Variants in MYO7A observed in about 807,000 individuals in gnomAD.
The protein encoded by MYO7A is myosin VIIA, also known as unconventional myosin-VIIa.
Under a neutral mutation model 263.8 loss-of-function variants are expected in MYO7A, and 210 were observed. The observed-to-expected ratio is 0.80, with a 90% CI of 0.71 to 0.89. The LOEUF (loss-of-function observed/expected upper bound fraction) is 0.89. Among genes scored for constraint, MYO7A ranks in the 40% least tolerant of loss-of-function variants. The pLI is 0.00. For synonymous variants in MYO7A, 1,239 were observed against 1,197.3 expected (o/e 1.03, Z -0.72); for missense variants, 2,820 against 2,968.3 (o/e 0.95, Z 1.16).
In MYO7A at chr11:77,190,868, A is replaced by G. The variant is rs763777646; in HGVS notation, c.3922A>G (p.Lys1308Glu). 3.2e-6 allele frequency: 5 copies of G among 1,562,328 alleles called. No individual in the cohort carries two copies. The highest frequency in any genetic ancestry group is 4.3e-6 in the Non-Finnish European group (5 of 1,149,974). Residue 1308 changes from lysine to glutamate, a missense_variant and splice_region_variant, in exon 30 of 49, where the codon AAG (lysine) becomes GAG (glutamate). Transcript: ENST00000409709. ...GFSLYIALFD[K>E]VSSLGSGSDH... ...CTCCCTCTACATTGCCCTGTTTGAC[A>G]AGGTATGGCCGCCCGGAAGCACCTC... is the stretch of plus-strand genomic sequence containing the variant.
intron 41 of MYO7A, 22 bp downstream of exon 41, chr11:77,206,224 G>C: frequency 6.3e-7 from 1 of 1,582,254 alleles, no homozygotes; most frequent in East Asian, 2.3e-5. Context: ...CGGCTTCTAG[G>C]TCTGCAGTGC....
In MYO7A at chr11:77,162,131, T is replaced by A; in HGVS notation, c.1355T>A (p.Leu452His). The A allele has an allele frequency of 1.2e-6, 2 of 1,600,424 alleles. No individual in the cohort carries two copies. Among genetic ancestry groups the A allele is most frequent in the Non-Finnish European group, 1.7e-6 (2 of 1,173,596 alleles). Residue 452 changes from leucine to histidine, a missense_variant, in exon 13 of 49, where the codon CTC (leucine) becomes CAC (histidine). Coordinates refer to ENST00000409709, the MANE Select transcript of MYO7A (RefSeq NM_000260.4). The stretch of plus-strand genomic sequence containing the variant: ...CTGTGCCCCTGCAGCTTTGAGCAGC[T>A]CTGCATCAACTTCGCCAATGAGCAC... ...ENFAVNSFEQ[L>H]CINFANEHLQ...
chr11:77,208,387 A>C (rs1337393043), intron 42 of MYO7A, 43 bp from the exon 43 acceptor site: 15 of 1,461,438 alleles, frequency 1.0e-5, no homozygotes, highest in Admixed American at 1.8e-5. Context: ...CAGAAAATGC[A>C]GTGTTGCTTA....
In MYO7A at chr11:77,156,885, C is replaced by G; in HGVS notation, c.616C>G (p.Arg206Gly). Residue 206 changes from arginine (R) to glycine (G), a missense_variant, in exon 7 of 49, where the codon CGC becomes GGC. Transcript: ENST00000409709. ...LEAFGNAKTI[R>G]NDNSSRFGKY... ...AGCATTTGGGAATGCCAAGACCATC[C>G]GCAATGACAACTCAAGCCGTTTCGG... 6.2e-7 allele frequency: 1 copy of G among 1,613,992 alleles called. No homozygotes were observed.
Position 77,206,083 on chromosome 11 carries a change from T to G in MYO7A, c.5637-14T>G, listed in dbSNP as rs1262145929. On this transcript the variant is annotated splice_polypyrimidine_tract_variant and intron_variant, in intron 40 of 48. Coordinates refer to ENST00000409709, the MANE Select transcript of MYO7A (RefSeq NM_000260.4). ...CCACGCACATGCCCCCTGCTGCCCC[T>G]GCTGCCTTTTCAGAAACGGGTCCCG... 6.2e-7 allele frequency: 1 copy of G among 1,601,028 alleles called. No homozygotes were observed. Among genetic ancestry groups the G allele is most frequent in the South Asian group, 1.1e-5 (1 of 89,030 alleles).
intron 26 of MYO7A, 50 bp from the exon 27 acceptor site, chr11:77,184,538 C>G (rs1955516440): frequency 6.7e-7 from 1 of 1,500,222 alleles, no homozygotes. Context: ...CCCTGGCTGG[C>G]AGGGGAACAC....
At chr11:77,201,382 C>A in intron 35 of MYO7A, 66 bp from the exon 36 acceptor site, 1 of 1,494,822 alleles carries the variant, frequency 6.7e-7, no homozygotes, top group Non-Finnish European at 9.1e-7. Context: ...CTCAGTTCTT[C>A]TGTGGGAAGA....
Position 77,214,531 on chromosome 11 carries a change from TG to T in MYO7A, c.6559-73del, listed in dbSNP as rs1958040243. 4 of 1,115,808 alleles carry T rather than the reference TG, an allele frequency of 3.6e-6. No homozygotes were observed. In the East Asian group the frequency reaches 7.7e-5, roughly 22 times the overall value. 69.1% of individuals were successfully genotyped at this position (1,115,808 alleles called of 1,614,324 possible). ...CTGGGTTCTGCCCATTGCAGATTCC[TG>T]GGAGCTGTGCTATGGTCTGAGTGGC... On this transcript the variant is annotated intron_variant, in intron 48 of 48. Coordinates refer to ENST00000409709, the MANE Select transcript of MYO7A (RefSeq NM_000260.4).
At chr11:77,145,967 C>T (rs994903586) in intron 3 of MYO7A, among the ~76,000 whole-genome samples, 6 of 152,204 alleles carry the variant, frequency 3.9e-5, no homozygotes, top group Non-Finnish European at 7.4e-5. Flanking sequence ...ACCAGCCAGC[C>T]ATCTGTCCCA....
intron 2 of MYO7A, 83 bp from the exon 3 acceptor site, chr11:77,142,626 T>C: frequency 8.6e-7 from 1 of 1,161,014 alleles, no homozygotes; most frequent in Non-Finnish European, 1.3e-6. Flanking sequence ...CCTCTGATTG[T>C]AGCAGAGGGA....
chr11:77,158,205 G>A (rs2135255233), intron 8 of MYO7A, 72 bp from the exon 9 acceptor site: 1 of 1,447,106 alleles, frequency 6.9e-7, no homozygotes, highest in East Asian at 2.6e-5. Context: ...TTTTGGGCAG[G>A]CAGCCAGGCA....
At chr11:77,211,047 C>T (rs558495192) in intron 44 of MYO7A, 105 bp from the exon 45 acceptor site, 263 of 1,072,664 alleles carry the variant, frequency 2.5e-4, no homozygotes, top group Non-Finnish European at 3.2e-4. Flanking sequence ...GGCCCATGTG[C>T]GGGGTAAGGT....
At chr11:77,150,940 G>A (rs550568802) in intron 4 of MYO7A, among the ~76,000 whole-genome samples, 39 of 152,294 alleles carry the variant, frequency 2.6e-4, no homozygotes, top group African/African-American at 7.9e-4. Context: ...GCAACCCCCC[G>A]TCCCTTCATG....
At chr11:77,193,326 T>C (rs1443636314) in intron 31 of MYO7A, among the ~76,000 whole-genome samples, 2 of 146,000 alleles carry the variant, frequency 1.4e-5, no homozygotes, top group Non-Finnish European at 3.0e-5. Context: ...GTAGTGATGA[T>C]AGTGGTGATG....
At position 77,172,751 on chromosome 11, in the gene MYO7A, G is replaced by T; in HGVS notation, c.1801G>T (p.Ala601Ser). 1.3e-6 allele frequency: 2 copies of T among 1,556,244 alleles called. No homozygotes were observed. Among genetic ancestry groups the T allele is most frequent in the South Asian group, 2.4e-5 (2 of 84,218 alleles). Residue 601 changes from alanine to serine, a missense_variant, in exon 16 of 49, where the codon GCC becomes TCC. By Grantham distance (99) the Ala-to-Ser change is moderately conservative. Transcript: ENST00000409709. ...TCGCTGCCGTCCGTCCCCCCAGGGCGCCGAGACCAGGAAGCGCTCGCCCAC... is the reference window on the plus strand; with the variant it reads ...TCGCTGCCGTCCGTCCCCCCAGGGCTCCGAGACCAGGAAGCGCTCGCCCAC... ...QIFQADVAMG[A>S]ETRKRSPTLS...
chr11:77,195,154 C>T (rs1956542793), intron 32 of MYO7A, among the ~76,000 whole-genome samples: 1 of 152,108 alleles, frequency 6.6e-6, no homozygotes, highest in Non-Finnish European at 1.5e-5. Context: ...ACCCGGATCT[C>T]ACCCCTCCAC....
chr11:77,209,033 G>T (rs1253185696), intron 44 of MYO7A: 2 of 566,290 alleles, frequency 3.5e-6, no homozygotes, highest in Non-Finnish European at 6.3e-6. Context: ...CTGAGCTTCC[G>T]ATCCCTACCT....
At chr11:77,208,886 T>C (rs1957667692) in intron 44 of MYO7A, 83 bp downstream of exon 44, 59 of 1,171,496 alleles carry the variant, frequency 5.0e-5, no homozygotes, top group Non-Finnish European at 7.2e-5. Flanking sequence ...CCCACTGACC[T>C]TGCCAGGTGT....
intron 32 of MYO7A, among the ~76,000 whole-genome samples, chr11:77,195,049 G>C (rs1956532254): frequency 2.6e-5 from 4 of 152,076 alleles, no homozygotes; most frequent in Admixed American, 2.6e-4. Context: ...CTGCTGGTAG[G>C]GGACCCAAGG....
Sources: allele counts gnomAD v4.1 joint callset (sites outside exome capture counted in the v4.1 genomes callset), GRCh38; gene constraint gnomAD v4.1.1; transcripts MANE v1.5; gene names NCBI Gene and HGNC (gene_info 2026-07-23, HGNC 2026-07-21).